OTOF: variants seen among roughly 807,000 people sequenced by gnomAD.
OTOF encodes the protein otoferlin, also known as fer-1-like family member 2.
A neutral mutation model predicts 236.8 loss-of-function variants in OTOF; 218 were observed. That is an observed-to-expected ratio of 0.92 (90% CI 0.82 to 1.03). The LOEUF (loss-of-function observed/expected upper bound fraction) is 1.03, where lower values mean the gene tolerates loss of function less well. Ranked by LOEUF, OTOF falls within the 50% of genes least tolerant of loss-of-function variation. The pLI is 0.00. For missense variants in OTOF, 2,590 were observed against 2,694.4 expected, an observed-to-expected ratio of 0.96 and a Z score of 0.86; for synonymous variants, 1,041 against 1,072.5, an observed-to-expected ratio of 0.97 and a Z score of 0.57.
rs761334018 is a variant in OTOF, at chr2:26,460,113, A to G, written c.5906T>C (p.Leu1969Pro). 7.5e-6 allele frequency: 12 copies of G among 1,590,802 alleles called. No individual in the cohort carries two copies. Among genetic ancestry groups the G allele is most frequent in the Non-Finnish European group, 8.6e-6 (10 of 1,168,554 alleles). The change falls in exon 46 of 47, where the codon CTG becomes CCG. Residue 1969 changes from leucine to proline, a missense_variant. Physicochemically the swap from Leu to Pro is moderately conservative, Grantham distance 98 (BLOSUM62 -3). This residue lies in a region of OTOF where 1,211 missense variants were observed against 1,352.8 expected (regional missense o/e 0.90). Coordinates refer to ENST00000272371, the MANE Select transcript of OTOF (RefSeq NM_194248.3). The surrounding 1 kb of genome is among the most constrained non-coding windows in gnomAD (Gnocchi z 5.3). ...WHTYRWLLLK[L>P]LLLLLLLLLL... ...GAGGAGCAGCAGCAGGAGCAGCAACAGTTTGAGGAGCAGCCAGCGATACGT... is the reference window on the plus strand; with the variant it reads ...GAGGAGCAGCAGCAGGAGCAGCAACGGTTTGAGGAGCAGCCAGCGATACGT...
At chr2:26,538,307 C>T (rs539544303) in intron 1 of OTOF, among the ~76,000 whole-genome samples, 2 of 152,242 alleles carry the variant, frequency 1.3e-5, no homozygotes, top group African/African-American at 2.4e-5. Flanking sequence ...AGCCATTCCC[C>T]GTGGGCCAAG....
chr2:26,506,001 C>T (rs534284768), intron 5 of OTOF, among the ~76,000 whole-genome samples: 2 of 152,302 alleles, frequency 1.3e-5, no homozygotes, highest in South Asian at 2.1e-4. Context: ...TCAATGAACC[C>T]ACCAGAAATA....
intron 16 of OTOF, among the ~76,000 whole-genome samples, 196 bp from the exon 17 acceptor site, chr2:26,479,849 G>A (rs1001164035): frequency 3.9e-5 from 6 of 152,230 alleles, no homozygotes; most frequent in African/African-American, 1.2e-4. Context: ...TCCTCATGAC[G>A]CCTGAGTGCG....
chr2:26,484,580 A>C lies in OTOF; in HGVS notation c.1099T>G (p.Ser367Ala). ...CACTTCACGTAGCCCTTCAGCCCCG[A>C]GGAGATGTCATCGGGGTCAGACAGG... The part of the protein sequence containing the change: ...AILSDPDDIS[S>A]GLKGYVKCDV... Residue 367 changes from serine to alanine, a missense_variant, in exon 12 of 47, where the codon TCG (serine) becomes GCG (alanine). This residue lies in a region of OTOF where 1,379 missense variants were observed against 1,341.6 expected (regional missense o/e 1.03). Transcript: ENST00000272371. 6.2e-7 allele frequency: 1 copy of C among 1,613,822 alleles called. No individual in the cohort carries two copies. Among genetic ancestry groups the C allele is most frequent in the South Asian group, 1.1e-5 (1 of 91,074 alleles).
At chr2:26,530,151 G>A (rs1429259428) in intron 2 of OTOF, among the ~76,000 whole-genome samples, 1 of 152,114 alleles carries the variant, frequency 6.6e-6, no homozygotes, top group African/African-American at 2.4e-5. Flanking sequence ...TCTGTGGGTG[G>A]GATTTTGGCA....
intron 5 of OTOF, chr2:26,510,821 AGCCCC>A (rs1666367390): frequency 9.3e-7 from 1 of 1,075,892 alleles, no homozygotes; most frequent in African/African-American, 1.6e-5. Flanking sequence ...CACTGGCCTC[AGCCCC>A]GGCCCCACGG....
At chr2:26,482,829 G>A (rs188649105) in intron 13 of OTOF, among the ~76,000 whole-genome samples, 11 of 149,546 alleles carry the variant, frequency 7.4e-5, no homozygotes, top group African/African-American at 1.5e-4. Flanking sequence ...GCATGTGTGC[G>A]TGAGTGGGTG....
chr2:26,528,653 GGCTAAAGTGGCCCAGT>G (rs1666868014), intron 2 of OTOF, among the ~76,000 whole-genome samples: 1 of 152,200 alleles, frequency 6.6e-6, no homozygotes, highest in Admixed American at 6.5e-5. Flanking sequence ...TCAAAACAGA[GGCTAAAGTGGCCCAGT>G]GCCCCATTCT....
At chr2:26,484,326 C>G (rs910084103) in intron 12 of OTOF, 148 bp downstream of exon 12, 1 of 830,816 alleles carries the variant, frequency 1.2e-6, no homozygotes. Context: ...CCTGCCCTGC[C>G]TCGGAAGAGT....
chr2:26,469,053 TA>T (rs901087866), intron 32 of OTOF, among the ~76,000 whole-genome samples: 9 of 149,066 alleles, frequency 6.0e-5, no homozygotes, highest in South Asian at 2.1e-4. Flanking sequence ...AAGTATAATT[TA>T]AAAAAAAAAG....
At chr2:26,525,591 C>T (rs1015194624) in intron 3 of OTOF, among the ~76,000 whole-genome samples, 3 of 152,134 alleles carry the variant, frequency 2.0e-5, no homozygotes, top group African/African-American at 7.2e-5. Context: ...CAGTGACTAG[C>T]ATAGTGTCTG....
chr2:26,496,393 C>T (rs1446807124), intron 8 of OTOF, among the ~76,000 whole-genome samples: 3 of 150,764 alleles, frequency 2.0e-5, no homozygotes, highest in African/African-American at 7.5e-5. Flanking sequence ...TGCCACCCCG[C>T]CCGGCTAATT....
intron 5 of OTOF, among the ~76,000 whole-genome samples, chr2:26,505,807 T>C (rs1666233808): frequency 6.6e-6 from 1 of 152,212 alleles, no homozygotes; most frequent in Non-Finnish European, 1.5e-5. Context: ...CTGGCACCCA[T>C]AGGTACAGGT....
intron 1 of OTOF, among the ~76,000 whole-genome samples, chr2:26,548,171 G>A (rs1403521968): frequency 6.6e-6 from 1 of 151,772 alleles, no homozygotes; most frequent in Non-Finnish European, 1.5e-5. Context: ...TTTTATTTTT[G>A]ATAAGTCTTG....
intron 1 of OTOF, among the ~76,000 whole-genome samples, chr2:26,552,392 A>T (rs1572501908): frequency 1.3e-5 from 2 of 152,142 alleles, no homozygotes; most frequent in Middle Eastern, 6.8e-3. Flanking sequence ...AAAAAATGAG[A>T]CCCAGGGATG....
At chr2:26,545,729 G>A (rs1667314883) in intron 1 of OTOF, among the ~76,000 whole-genome samples, 1 of 152,118 alleles carries the variant, frequency 6.6e-6, no homozygotes. Flanking sequence ...TGGATGGTAT[G>A]AGGTAGGAGT....
rs751037043 is a variant in OTOF at position 26,468,371 on chromosome 2, G to A, written c.4090+37C>T. 5.2e-6 allele frequency: 8 copies of A among 1,539,730 alleles called. No homozygotes were observed. The African/African-American group carries it at 8.2e-5, about 16-fold the overall frequency. ...CAGGAGAGCTGACCACCCAGGGGCGGGGAGGAGGAGGCAGAGTTCCAGGTT... is the reference window on the plus strand; with the variant it reads ...CAGGAGAGCTGACCACCCAGGGGCGAGGAGGAGGAGGCAGAGTTCCAGGTT... On this transcript the variant is annotated intron_variant, in intron 33 of 46. Transcript: ENST00000272371.
At position 26,475,898 on chromosome 2, in the gene OTOF, C is replaced by T. The variant is rs71441031; in HGVS notation, c.2991+16G>A. 1 of 1,594,354 alleles carries T rather than the reference C, an allele frequency of 6.3e-7. No homozygotes were observed. Among genetic ancestry groups the T allele is most frequent in the Middle Eastern group, 1.7e-4 (1 of 6,044 alleles). On this transcript the variant is annotated intron_variant, in intron 24 of 46. Transcript: ENST00000272371. ...GCTCTCAAAGCCAGAGCCACTCCCT[C>T]CTCCCAGGCCCTCACCTCTGTGCAC...
chr2:26,465,539 G>A (rs908532937), intron 38 of OTOF, 133 bp downstream of exon 38: 4 of 916,640 alleles, frequency 4.4e-6, no homozygotes, highest in African/African-American at 3.2e-5. Flanking sequence ...CCCAGGGACT[G>A]TAGGGGCAGA....
Sources: gnomAD v4.1 joint callset for allele counts (sites outside exome capture counted in the v4.1 genomes callset) on GRCh38, gnomAD v4.1.1 for gene constraint, gnomAD v4.1.1 regional missense constraint, Gnocchi (gnomAD v3.1) non-coding constraint, MANE v1.5 for transcripts, NCBI Gene and HGNC (gene_info 2026-07-23, HGNC 2026-07-21) for gene names.